TIMELESS: variants seen among roughly 807,000 people sequenced by gnomAD.
TIMELESS encodes timeless circadian regulator.
A neutral mutation model predicts 164.3 loss-of-function variants in TIMELESS; 124 were observed. That is an observed-to-expected ratio of 0.75 (90% CI 0.65 to 0.88). The LOEUF (loss-of-function observed/expected upper bound fraction) is 0.88. TIMELESS is among the 40% of genes least tolerant of loss of function. The pLI, the probability that TIMELESS is intolerant of heterozygous loss-of-function variation, is 0.00. For missense variants in TIMELESS, 1,422 were observed against 1,491.4 expected (o/e 0.95, Z 0.77); for synonymous variants, 564 against 563.4 (o/e 1.00, Z -0.02).
chr12:56,431,483 T>TG lies in TIMELESS; in HGVS notation c.808dup (p.Gln270ProfsTer51). 3 of 1,610,988 alleles carry TG rather than the reference T, an allele frequency of 1.9e-6. No homozygotes were observed. Among genetic ancestry groups the TG allele is most frequent in the Non-Finnish European group, 2.5e-6 (3 of 1,179,264 alleles). ...CTCTGTCACTCACCTGTTGCCTCGC[T>TG]GGAGGGCTCGAGTCTTCTTTTCTGC... On this transcript the variant is annotated frameshift_variant, in exon 8 of 29. Transcript: ENST00000553532. LOFTEE classifies it high-confidence loss of function.
Position 56,423,985 on chromosome 12 carries a change from C to A in TIMELESS, c.1869-91G>T, listed in dbSNP as rs940659425. On this transcript the variant is annotated intron_variant, in intron 15 of 28. Transcript: ENST00000553532. ...TAGAAGAAGGAATTTAGACTTATTT[C>A]TTTTGTTGGCCAGAAACAGAATGCA... is the stretch of plus-strand genomic sequence containing the variant. The A allele has an allele frequency of 6.9e-6, 8 of 1,162,382 alleles. No individual in the cohort carries two copies. In the African/African-American group the frequency reaches 1.1e-4, roughly 16 times the overall value. 72.0% of individuals were successfully genotyped at this position (1,162,382 alleles called of 1,614,324 possible).
At chr12:56,430,071 C>G in intron 10 of TIMELESS, 34 bp downstream of exon 10, 1 of 1,574,662 alleles carries the variant, frequency 6.4e-7, no homozygotes. Flanking sequence ...CTATTCCATT[C>G]CTGATTATCT....
chr12:56,447,552 C>G (rs1946070671), intron 1 of TIMELESS, among the ~76,000 whole-genome samples: 1 of 152,100 alleles, frequency 6.6e-6, no homozygotes. Flanking sequence ...TTCTTGATGA[C>G]CCTTTCACTG....
At position 56,423,384 on chromosome 12, in the gene TIMELESS, T is replaced by A; in HGVS notation, c.2182A>T (p.Met728Leu). 1.2e-6 allele frequency: 2 copies of A among 1,614,140 alleles called. No homozygotes were observed. Among genetic ancestry groups the A allele is most frequent in the Non-Finnish European group, 1.7e-6 (2 of 1,180,034 alleles). The change falls in exon 18 of 29, where the codon ATG (methionine) becomes TTG (leucine). Residue 728 changes from methionine (M) to leucine (L), a missense_variant. Coordinates refer to ENST00000553532, the MANE Select transcript of TIMELESS (RefSeq NM_003920.5). ...AGGTCATGGGCCAGCCGGTGCAGCATCTTCACAATGCAATGGTTAGTGTGG... is the reference window on the plus strand; with the variant it reads ...AGGTCATGGGCCAGCCGGTGCAGCAACTTCACAATGCAATGGTTAGTGTGG... ...SAHTNHCIVK[M>L]LHRLAHDLKM...
chr12:56,417,599 G>T lies in TIMELESS; in HGVS notation c.*117C>A. 1.0e-6 allele frequency: 1 copy of T among 955,296 alleles called. No homozygotes were observed. Among genetic ancestry groups the T allele is most frequent in the Non-Finnish European group, 1.6e-6 (1 of 610,500 alleles). The allele number at this position is 955,296 out of a possible 1,614,324, so 59.2% of individuals were successfully genotyped here. On this transcript the variant is annotated 3_prime_UTR_variant, in exon 29 of 29. Coordinates refer to ENST00000553532, the MANE Select transcript of TIMELESS (RefSeq NM_003920.5). ...AGCCTAAATCCGTGAAAGAGCCTGG[G>T]ATTCTACTGCTCTGTCCAGTAAGAG...
rs779466988 is a variant in TIMELESS at position 56,423,661 on chromosome 12, C to T, written c.2013G>A (p.Glu671=). The change falls in exon 17 of 29, where the codon GAG becomes GAA. Residue 671 remains glutamate (E), a synonymous_variant. Transcript: ENST00000553532. ...EERGAEEEEE[E]EEEEEEELQV... is the part of the protein sequence containing the mutation. ...GCAACTCCTCCTCTTCCTCCTCCTC[C>T]TCCTCTTCTTCTTCCTCTGCCCCAC... 4 of 1,614,012 alleles carry T rather than the reference C, an allele frequency of 2.5e-6. No individual in the cohort carries two copies. Among genetic ancestry groups the T allele is most frequent in the Non-Finnish European group, 3.4e-6 (4 of 1,179,966 alleles).
At chr12:56,445,314 A>T (rs190980653) in intron 1 of TIMELESS, among the ~76,000 whole-genome samples, 1 of 146,578 alleles carries the variant, frequency 6.8e-6, no homozygotes, top group African/African-American at 2.5e-5. Context: ...AATCCCAGCT[A>T]CTTGGGAGGC....
intron 1 of TIMELESS, among the ~76,000 whole-genome samples, chr12:56,443,494 G>A (rs371962916): frequency 5.3e-5 from 8 of 152,296 alleles, no homozygotes; most frequent in African/African-American, 1.9e-4. Flanking sequence ...TGTGTGCCCA[G>A]TGGGACATGG....
intron 26 of TIMELESS, among the ~76,000 whole-genome samples, chr12:56,418,764 A>T (rs1881357050): frequency 6.6e-6 from 1 of 151,524 alleles, no homozygotes; most frequent in African/African-American, 2.4e-5. Flanking sequence ...AATTTTTTGT[A>T]GAGACAGGGT....
intron 13 of TIMELESS, among the ~76,000 whole-genome samples, chr12:56,426,073 G>A (rs1444229739): frequency 1.3e-5 from 2 of 152,090 alleles, no homozygotes; most frequent in Non-Finnish European, 2.9e-5. Context: ...CAAAACTTAG[G>A]AGCATGGAGT....
At chr12:56,448,490 G>T (rs1057374178) in intron 1 of TIMELESS, among the ~76,000 whole-genome samples, 4 of 152,002 alleles carry the variant, frequency 2.6e-5, no homozygotes, top group Admixed American at 6.6e-5. Context: ...ACTTTGGGAG[G>T]CCGAGGCGGG....
At position 56,435,765 on chromosome 12, in the gene TIMELESS, C is replaced by T. The variant is rs575030798; in HGVS notation, c.-61-1534G>A. Among the ~76,000 whole-genome samples the T allele has an allele frequency of 5.3e-5, 8 of 152,126 alleles. No individual in the cohort carries two copies. The South Asian group carries it at 1.7e-3, about 32-fold the overall frequency. ...ATGAGGTCAGGAGATTGACACCATC[C>T]TGGCTAACACGGTGAAACCCCCTCT... On this transcript the variant is annotated intron_variant, in intron 1 of 28. Coordinates refer to ENST00000553532, the MANE Select transcript of TIMELESS (RefSeq NM_003920.5).
chr12:56,421,378 C>A lies in TIMELESS; in HGVS notation c.2841G>T (p.Arg947=). Residue 947 remains arginine (R), a synonymous_variant, in exon 23 of 29, where the codon CGG becomes CGT. Coordinates refer to ENST00000553532, the MANE Select transcript of TIMELESS (RefSeq NM_003920.5). ...AGATGGAGGATGCCAACTTTTTCTG[C>A]CGTTTCTTGTACAGCTCCCGCCGCT... ...VAERRELYKK[R]QKKLASSILP... is the part of the protein sequence containing the mutation. The A allele has an allele frequency of 2.5e-6, 4 of 1,613,730 alleles. No individual in the cohort carries two copies. Among genetic ancestry groups the A allele is most frequent in the Non-Finnish European group, 3.4e-6 (4 of 1,179,862 alleles).
At chr12:56,421,622 C>A in intron 22 of TIMELESS, 105 bp downstream of exon 22, 1 of 1,523,724 alleles carries the variant, frequency 6.6e-7, no homozygotes, top group Non-Finnish European at 9.1e-7. Context: ...AGTAAGTGAA[C>A]AGAAGGGATG....
chr12:56,421,063 T>C lies in TIMELESS; in HGVS notation c.2940A>G (p.Glu980=), dbSNP rs764804733. 26 of 1,614,072 alleles carry C rather than the reference T, an allele frequency of 1.6e-5. No homozygotes were observed. In the South Asian group the frequency reaches 2.7e-4, roughly 17 times the overall value. The part of the protein sequence containing the change: ...DLEEEENLPE[E]DSEEEEEGGS... ...CCCCTTCTTCTTCCTCTTCGCTGTC[T>C]TCCTCAGGCAGGTTTTCCTCTTCTT... Residue 980 remains glutamate, a synonymous_variant, in exon 24 of 29, where the codon GAA becomes GAG. Transcript: ENST00000553532.
At chr12:56,446,903 T>C (rs569471130) in intron 1 of TIMELESS, among the ~76,000 whole-genome samples, 52 of 152,128 alleles carry the variant, frequency 3.4e-4, no homozygotes, top group African/African-American at 1.1e-3. Flanking sequence ...CTGTGTACCA[T>C]ATTCAGACTT....
rs754057623 is a variant in TIMELESS at position 56,422,232 on chromosome 12, C to T, written c.2439-41G>A. ...AGAAAGGGAGCATATAGGTTCTTGG[C>T]CCAAAAAGAGGAGACCAAAGGCCTT... On this transcript the variant is annotated intron_variant, in intron 19 of 28. Transcript: ENST00000553532. 9.4e-6 allele frequency: 15 copies of T among 1,592,068 alleles called. No individual in the cohort carries two copies. The Admixed American group carries it at 2.0e-4, about 21-fold the overall frequency.
At chr12:56,432,330 A>G in intron 7 of TIMELESS, 39 bp downstream of exon 7, 4 of 1,586,432 alleles carry the variant, frequency 2.5e-6, no homozygotes, top group Non-Finnish European at 3.4e-6. Flanking sequence ...AGAAAAGTAC[A>G]TGGGCGGAGG....
intron 8 of TIMELESS, 105 bp downstream of exon 8, chr12:56,431,366 A>AC: frequency 3.6e-6 from 5 of 1,406,370 alleles, no homozygotes; most frequent in Admixed American, 2.4e-5. Context: ...AAAAAAAAAA[A>AC]AAAAAACACT....
Sources: allele counts gnomAD v4.1 joint callset (sites outside exome capture counted in the v4.1 genomes callset), GRCh38; gene constraint gnomAD v4.1.1; transcripts MANE v1.5; gene names NCBI Gene and HGNC (gene_info 2026-07-23, HGNC 2026-07-21).